The following BAZ2B variants were observed in gnomAD, a reference collection of about 807,000 sequenced individuals.
BAZ2B encodes the protein bromodomain adjacent to zinc finger domain protein 2B.
BAZ2B carries 91 observed loss-of-function variants against 246.0 expected under a neutral mutation model. The ratio of observed to expected loss-of-function variants is 0.37; its 90% CI spans 0.31 to 0.44. BAZ2B has a LOEUF of 0.44. Among genes scored for constraint, BAZ2B ranks in the 20% least tolerant of loss-of-function variants. The pLI is 1.00. For synonymous variants in BAZ2B, 855 were observed against 860.0 expected (o/e 0.99, Z 0.10); for missense variants, 2,332 against 2,533.7 (o/e 0.92, Z 1.71).
chr2:159,409,391 A>T (rs1167014962), intron 14 of BAZ2B, among the ~76,000 whole-genome samples: 1 of 152,206 alleles, frequency 6.6e-6, no homozygotes, highest in Non-Finnish European at 1.5e-5. Flanking sequence ...AAAATTTGAG[A>T]TATTAATAGT....
At chr2:159,398,999 G>A in intron 17 of BAZ2B, 105 bp from the exon 18 acceptor site, 1 of 956,130 alleles carries the variant, frequency 1.0e-6, no homozygotes, top group Non-Finnish European at 1.6e-6. Flanking sequence ...GTACGAAACA[G>A]TATGTAACAC....
chr2:159,468,349 A>G (rs2077346191), intron 3 of BAZ2B, among the ~76,000 whole-genome samples: 2 of 152,196 alleles, frequency 1.3e-5, no homozygotes, highest in African/African-American at 2.4e-5. Flanking sequence ...AAAACCCAAA[A>G]AAGAAACAGA....
At chr2:159,561,223 A>G (rs570644620) in intron 1 of BAZ2B, among the ~76,000 whole-genome samples, 1 of 152,304 alleles carries the variant, frequency 6.6e-6, no homozygotes, top group South Asian at 2.1e-4. Context: ...CTGTTCTGGT[A>G]GTAATGAGTG....
At chr2:159,560,391 A>G (rs1010341338) in intron 1 of BAZ2B, among the ~76,000 whole-genome samples, 1 of 151,632 alleles carries the variant, frequency 6.6e-6, no homozygotes, top group African/African-American at 2.4e-5. Context: ...CAATAAAAAA[A>G]TTATTTTCAA....
chr2:159,431,086 A>G lies in BAZ2B; in HGVS notation c.1971T>C (p.Asp657=). The G allele has an allele frequency of 6.2e-7, 1 of 1,613,910 alleles. No individual in the cohort carries two copies. The highest frequency in any genetic ancestry group is 1.3e-5 in the African/African-American group (1 of 75,030). Residue 657 remains aspartate, a synonymous_variant, in exon 10 of 37, where the codon GAT becomes GAC. Coordinates refer to ENST00000392783, the MANE Select transcript of BAZ2B (RefSeq NM_013450.4). ...EEEDDDDKDQ[D]ESDSDTEGEK... is the part of the protein sequence containing the mutation. ...CTCCTTCAGTATCACTATCTGATTC[A>G]TCTTGGTCTTTATCATCATCATCTT...
chr2:159,468,283 T>C (rs925987295), intron 3 of BAZ2B, among the ~76,000 whole-genome samples: 3 of 151,902 alleles, frequency 2.0e-5, no homozygotes, highest in Non-Finnish European at 1.5e-5. Flanking sequence ...GCAGAGCAAC[T>C]GAAAATTAGG....
intron 20 of BAZ2B, among the ~76,000 whole-genome samples, chr2:159,393,560 GCTAC>G (rs1445543120): frequency 6.6e-6 from 1 of 152,060 alleles, no homozygotes; most frequent in African/African-American, 2.4e-5. Flanking sequence ...CCCTTTATCT[GCTAC>G]CTGTTTTTAG....
chr2:159,353,196 C>A (rs1218604363), intron 27 of BAZ2B, among the ~76,000 whole-genome samples: 2 of 152,128 alleles, frequency 1.3e-5, no homozygotes, highest in African/African-American at 4.8e-5. Flanking sequence ...GCCCTCATAT[C>A]CTTCTCTTCA....
Position 159,481,108 on chromosome 2 carries a change from T to C in BAZ2B, c.-2-2387A>G, listed in dbSNP as rs547500857. Among the ~76,000 whole-genome samples, 418 of 152,142 alleles carry C rather than the reference T, an allele frequency of 2.7e-3. 1 individual carries two copies. Among genetic ancestry groups the C allele is most frequent in the Non-Finnish European group, 4.7e-3 (320 of 67,922 alleles). On this transcript the variant is annotated intron_variant, in intron 2 of 36. Transcript: ENST00000392783. The stretch of plus-strand genomic sequence containing the variant: ...AAATTTAACAAATCCACTCTAGCCT[T>C]TGCACTCTAGAATGAAGATTGTCTT...
At chr2:159,492,515 T>TA (rs1368506930) in intron 2 of BAZ2B, among the ~76,000 whole-genome samples, 1 of 152,276 alleles carries the variant, frequency 6.6e-6, no homozygotes, top group Non-Finnish European at 1.5e-5. Flanking sequence ...ATCATGTTTT[T>TA]AGTATCTTAC....
chr2:159,383,751 T>G (rs2062284829), intron 23 of BAZ2B, 71 bp from the exon 24 acceptor site: 5 of 1,286,336 alleles, frequency 3.9e-6, no homozygotes, highest in Non-Finnish European at 5.5e-6. Context: ...TGATATGCAA[T>G]AAACTTGATA....
Position 159,438,574 on chromosome 2 carries a change from T to C in BAZ2B, c.1022A>G (p.Gln341Arg). Residue 341 changes from glutamine (Q) to arginine (R), a missense_variant, in exon 8 of 37, where the codon CAA becomes CGA. By Grantham distance (43) the Gln-to-Arg change is conservative. Around this residue, in one of 9 missense-constraint regions of BAZ2B, gnomAD observed 161 missense variants for 225.8 expected, o/e 0.71. Transcript: ENST00000392783. ...AACCTGAGGCTGCTTCTGCTGGGAT[T>C]GGAATGAGTGAGTCTGGGATTCAGA... ...LASESQTHSF[Q>R]SQQKQPQVLS... The C allele has an allele frequency of 6.2e-7, 1 of 1,614,172 alleles. No homozygotes were observed.
Position 159,404,882 on chromosome 2 carries a change from C to T in BAZ2B, c.2799G>A (p.Lys933=). The change falls in exon 16 of 37, where the codon AAG becomes AAA. Residue 933 remains lysine (K), a synonymous_variant. Coordinates refer to ENST00000392783, the MANE Select transcript of BAZ2B (RefSeq NM_013450.4). The stretch of plus-strand genomic sequence containing the variant: ...TCATAATCTTTATCTGTTCTTTTTG[C>T]TTCCGCTTCTCCTCAGCAGCCATTA... ...QAIMAAEEKR[K]QKEQIKIMKQ... The T allele has an allele frequency of 6.2e-7, 1 of 1,613,272 alleles. No individual in the cohort carries two copies. Among genetic ancestry groups the T allele is most frequent in the Non-Finnish European group, 8.5e-7 (1 of 1,179,886 alleles).
intron 19 of BAZ2B, 77 bp downstream of exon 19, chr2:159,397,268 A>T: frequency 5.3e-6 from 7 of 1,312,444 alleles, no homozygotes; most frequent in Non-Finnish European, 7.4e-6. Context: ...AAATATTTTG[A>T]AGATTTTCCC....
At chr2:159,574,259 G>A (rs768867043) in intron 1 of BAZ2B, among the ~76,000 whole-genome samples, 4 of 148,626 alleles carry the variant, frequency 2.7e-5, no homozygotes, top group Admixed American at 2.1e-4. Flanking sequence ...AAGAAAAGAT[G>A]CTCAATATCA....
chr2:159,425,692 A>C (rs982388598), intron 13 of BAZ2B, among the ~76,000 whole-genome samples: 1 of 152,234 alleles, frequency 6.6e-6, no homozygotes, highest in Non-Finnish European at 1.5e-5. Flanking sequence ...TATATTGTAA[A>C]TACGTATGAT....
chr2:159,459,057 T>G (rs1253619332), intron 3 of BAZ2B: 1 of 152,208 alleles, frequency 6.6e-6, no homozygotes, highest in Non-Finnish European at 1.5e-5. Flanking sequence ...TTTCTGCCCT[T>G]TATAATTATA....
chr2:159,465,088 CAT>C (rs755885375), intron 3 of BAZ2B, among the ~76,000 whole-genome samples: 6 of 152,156 alleles, frequency 3.9e-5, no homozygotes, highest in Non-Finnish European at 7.4e-5. Context: ...TTTATTGTCT[CAT>C]AGTTCTGGAG....
chr2:159,668,498 G>A, the BAZ2B span, among the ~76,000 whole-genome samples: 6 of 152,014 alleles, frequency 3.9e-5, no homozygotes, highest in African/African-American at 9.7e-5. Context: ...ATCATTCCTG[G>A]TTTACTGAGT....
Sources: gnomAD v4.1 joint callset for allele counts (sites outside exome capture counted in the v4.1 genomes callset) on GRCh38, gnomAD v4.1.1 for gene constraint, gnomAD v4.1.1 regional missense constraint, MANE v1.5 for transcripts, NCBI Gene and HGNC (gene_info 2026-07-23, HGNC 2026-07-21) for gene names.